F11: variants seen among roughly 807,000 people sequenced by gnomAD.
F11 encodes coagulation factor XI, also known as coagualtion factor XI.
A neutral mutation model predicts 76.5 loss-of-function variants in F11; 78 were observed. The ratio of observed to expected loss-of-function variants is 1.02; its 90% CI spans 0.85 to 1.23. F11 has a LOEUF of 1.23. F11 is among the 50% of genes most tolerant of loss of function. The pLI, the probability that F11 is intolerant of heterozygous loss-of-function variation, is 0.00. For synonymous variants in F11, 278 were observed against 276.3 expected, an observed-to-expected ratio of 1.01 and a Z score of -0.06; for missense variants, 742 against 771.4, an observed-to-expected ratio of 0.96 and a Z score of 0.45.
chr4:186,284,573 C>G (rs574428697), intron 11 of F11, among the ~76,000 whole-genome samples: 3 of 152,082 alleles, frequency 2.0e-5, no homozygotes, highest in Admixed American at 2.0e-4. Context: ...GCACTGTGCC[C>G]GGAACTAAAC....
chr4:186,268,790 G>A (rs370230780), intron 2 of F11, among the ~76,000 whole-genome samples: 6 of 152,100 alleles, frequency 3.9e-5, no homozygotes, highest in Admixed American at 6.6e-5. Context: ...AGATGTAACC[G>A]AATCAGTGTT....
chr4:186,278,825 C>G (rs1288849676), intron 7 of F11, among the ~76,000 whole-genome samples: 1 of 152,126 alleles, frequency 6.6e-6, no homozygotes, highest in African/African-American at 2.4e-5. Flanking sequence ...TTTTAAAAAT[C>G]TAGTGAAATT....
chr4:186,266,678 C>T (rs754294318), intron 1 of F11, among the ~76,000 whole-genome samples: 1 of 150,860 alleles, frequency 6.6e-6, no homozygotes, highest in African/African-American at 2.4e-5. Context: ...GTATCAGCCA[C>T]AGACTTTTTT....
intron 5 of F11, chr4:186,274,659 T>C: frequency 3.6e-6 from 1 of 275,828 alleles, no homozygotes; most frequent in South Asian, 4.1e-5. Context: ...AAATAACAGT[T>C]CCTTACCTAA....
At chr4:186,282,655 T>C in intron 10 of F11, 3 of 985,260 alleles carry the variant, frequency 3.0e-6, no homozygotes, top group Non-Finnish European at 3.6e-6. Context: ...ACTATTTACC[T>C]ATTAATTTTC....
In F11 at chr4:186,280,507, A is replaced by C. The variant is rs1561486980; in HGVS notation, c.1062A>C (p.Gly354=). 5.6e-6 allele frequency: 9 copies of C among 1,614,088 alleles called. No individual in the cohort carries two copies. Among genetic ancestry groups the C allele is most frequent in the Non-Finnish European group, 7.6e-6 (9 of 1,180,044 alleles). ...GTTACTTAAAGCTTTCTTCAAACGG[A>C]TCTCCAACTAAAATACTTCACGGGA... ...GKCYLKLSSN[G]SPTKILHGRG... The change falls in exon 10 of 15, where the codon GGA becomes GGC. Residue 354 remains glycine (G), a synonymous_variant. Coordinates refer to ENST00000403665, the MANE Select transcript of F11 (RefSeq NM_000128.4).
chr4:186,282,790 C>G, intron 10 of F11: 1 of 985,384 alleles, frequency 1.0e-6, no homozygotes, highest in Non-Finnish European at 1.2e-6. Flanking sequence ...GAAGTCACAT[C>G]GTGCTCGTTC....
rs4253431 is a variant in F11 at position 186,289,466 on chromosome 4, G to A, written c.*852G>A. Among the ~76,000 whole-genome samples, 24,691 of 152,086 alleles carry A rather than the reference G, an allele frequency of 0.16. 2,144 individuals carry two copies. Among genetic ancestry groups the A allele is most frequent in the Middle Eastern group, 0.24 (70 of 294 alleles). On this transcript the variant is annotated 3_prime_UTR_variant, in exon 15 of 15. Coordinates refer to ENST00000403665, the MANE Select transcript of F11 (RefSeq NM_000128.4). ...TATTTGACAAAAATCACCATAGACT[G>A]CATCCATACTACAGAGAAAAAACAA...
In F11 at chr4:186,271,500, G is replaced by A. The variant is rs560282974; in HGVS notation, c.56-109G>A. 1.6e-4 allele frequency: 194 copies of A among 1,202,232 alleles called. 1 individual carries two copies. The highest frequency in any genetic ancestry group is 2.0e-4 in the Admixed American group (12 of 58,960). 74.5% of individuals were successfully genotyped at this position (1,202,232 alleles called of 1,614,324 possible). A position where few individuals can be genotyped will look rare whatever the true frequency, so the allele number is the denominator to read the frequency against. On this transcript the variant is annotated intron_variant, in intron 2 of 14. Transcript: ENST00000403665. The stretch of plus-strand genomic sequence containing the variant: ...ATTGCCTTGATTTCCAAATTCAGGC[G>A]TATTTCCTGGTAAGTAGAGCTACTT...
Position 186,276,338 on chromosome 4 carries a change from G to C in F11, c.703G>C (p.Gly235Arg). Residue 235 changes from glycine to arginine, a missense_variant, in exon 7 of 15, where the codon GGT becomes CGT. Gly to Arg is a moderately radical substitution (Grantham distance 125). Coordinates refer to ENST00000403665, the MANE Select transcript of F11 (RefSeq NM_000128.4). ...VCGRICTHHP[G>R]CLFFTFFSQE... ...TGGCCGAATCTGCACTCATCATCCCGGTTGCTTGTTTTTTACCTTCTTTTC... is the reference window on the plus strand; with the variant it reads ...TGGCCGAATCTGCACTCATCATCCCCGTTGCTTGTTTTTTACCTTCTTTTC... The C allele has an allele frequency of 6.2e-7, 1 of 1,613,986 alleles. No homozygotes were observed. Among genetic ancestry groups the C allele is most frequent in the Non-Finnish European group, 8.5e-7 (1 of 1,180,000 alleles).
At chr4:186,276,056 C>T (rs1259118187) in intron 6 of F11, among the ~76,000 whole-genome samples, 160 bp downstream of exon 6, 1 of 152,028 alleles carries the variant, frequency 6.6e-6, no homozygotes, top group African/African-American at 2.4e-5. Flanking sequence ...ACAGTTAGAT[C>T]CTCTATTTAA....
intron 2 of F11, among the ~76,000 whole-genome samples, chr4:186,269,081 CAT>C (rs1739720694): frequency 1.3e-5 from 2 of 152,096 alleles, no homozygotes; most frequent in African/African-American, 2.4e-5. Flanking sequence ...ATCTTATGAA[CAT>C]ATGTACAAAT....
chr4:186,269,293 T>G (rs1354790575), intron 2 of F11, among the ~76,000 whole-genome samples: 1 of 152,218 alleles, frequency 6.6e-6, no homozygotes, highest in Non-Finnish European at 1.5e-5. Flanking sequence ...ACAGATATAC[T>G]TGTACACCCA....
intron 3 of F11, 24 bp downstream of exon 3, chr4:186,271,795 G>C (rs372339062): frequency 1.2e-6 from 2 of 1,613,370 alleles, no homozygotes; most frequent in Non-Finnish European, 1.7e-6. Context: ...TTTCTACATC[G>C]AGGAGACAGA....
intron 4 of F11, among the ~76,000 whole-genome samples, chr4:186,273,907 A>G (rs925974950): frequency 6.6e-6 from 1 of 152,242 alleles, no homozygotes; most frequent in Non-Finnish European, 1.5e-5. Context: ...ATGTGAATTT[A>G]CAAGTCTAAA....
Position 186,280,204 on chromosome 4 carries a change from C to T in F11, c.866-19C>T, listed in dbSNP as rs753550583. ...ATGCTGAGGGAGGGTCTCACTCTGA[C>T]ATGTGGTCTGCTGTCTAGTGTTCTG... On this transcript the variant is annotated intron_variant, in intron 8 of 14. Transcript: ENST00000403665. 2 of 1,614,154 alleles carry T rather than the reference C, an allele frequency of 1.2e-6. No homozygotes were observed. The highest frequency in any genetic ancestry group is 1.7e-5 in the Admixed American group (1 of 60,026).
intron 12 of F11, 125 bp from the exon 13 acceptor site, chr4:186,286,290 A>G (rs1741203490): frequency 6.1e-6 from 6 of 980,302 alleles, no homozygotes; most frequent in East Asian, 2.5e-5. Context: ...ATACACGACA[A>G]CAAGGCAAAA....
chr4:186,277,242 T>C (rs911800865), intron 7 of F11, among the ~76,000 whole-genome samples: 2 of 152,168 alleles, frequency 1.3e-5, no homozygotes, highest in Non-Finnish European at 2.9e-5. Flanking sequence ...GATTTTATGA[T>C]TTTTTTATGG....
intron 6 of F11, 69 bp from the exon 7 acceptor site, chr4:186,276,162 C>T: frequency 1.3e-6 from 2 of 1,576,502 alleles, no homozygotes; most frequent in Non-Finnish European, 8.7e-7. Context: ...GGAATTTACA[C>T]ATACTGTGAC....
Sources: gnomAD v4.1 joint callset for allele counts (sites outside exome capture counted in the v4.1 genomes callset) on GRCh38, gnomAD v4.1.1 for gene constraint, MANE v1.5 for transcripts, NCBI Gene and HGNC (gene_info 2026-07-23, HGNC 2026-07-21) for gene names.